MYOM2: variants seen among roughly 807,000 people sequenced by gnomAD.
The protein encoded by MYOM2 is myomesin 2, also known as myomesin-2.
A neutral mutation model predicts 187.6 loss-of-function variants in MYOM2; 254 were observed. The observed-to-expected ratio is 1.35, with a 90% CI of 1.22 to 1.50. MYOM2 has a LOEUF of 1.50. Ranked by LOEUF, MYOM2 falls within the 40% of genes most tolerant of loss-of-function variation. MYOM2 has a pLI of 0.00. For synonymous variants in MYOM2, 981 were observed against 753.8 expected (o/e 1.30, Z -4.94); for missense variants, 2,796 against 1,924.0 (o/e 1.45, Z -8.48).
chr8:2,068,826 G>T (rs930242475), intron 6 of MYOM2, among the ~76,000 whole-genome samples: 1 of 152,202 alleles, frequency 6.6e-6, no homozygotes, highest in African/African-American at 2.4e-5. Flanking sequence ...GCAGCATCCT[G>T]GCTCCTACAC....
At chr8:2,076,561 G>T (rs1819430072) in intron 11 of MYOM2, 3 of 418,150 alleles carry the variant, frequency 7.2e-6, no homozygotes, top group African/African-American at 6.1e-5. Flanking sequence ...ACGTCTTCAG[G>T]CTCACTCTGA....
chr8:2,052,848 A>T (rs1444237624), intron 3 of MYOM2, among the ~76,000 whole-genome samples: 1 of 152,224 alleles, frequency 6.6e-6, no homozygotes, highest in Non-Finnish European at 1.5e-5. Context: ...TCGTGTGGAA[A>T]CTAAAGAGTT....
rs370886250 is a variant in MYOM2, at chr8:2,076,206, C to T, written c.1186C>T (p.Arg396Trp). Residue 396 changes from arginine (R) to tryptophan (W), a missense_variant, in exon 11 of 37, where the codon CGG becomes TGG. By Grantham distance (101) the Arg-to-Trp change is moderately radical. Coordinates refer to ENST00000262113, the MANE Select transcript of MYOM2 (RefSeq NM_003970.4). ...PMDLQCHDAN[R>W]DYVIVTWKPP... ...GGACTTGCAGTGCCACGACGCCAAC[C>T]GGGACTACGTCATCGTGACCTGGAA... 4.4e-5 allele frequency: 71 copies of T among 1,613,422 alleles called. 1 individual carries two copies. The highest frequency in any genetic ancestry group is 5.6e-5 in the Non-Finnish European group (66 of 1,179,894).
intron 12 of MYOM2, among the ~76,000 whole-genome samples, chr8:2,079,260 C>G (rs1026389253): frequency 6.6e-6 from 1 of 152,026 alleles, no homozygotes; most frequent in Non-Finnish European, 1.5e-5. Flanking sequence ...AGAAGGCCAT[C>G]CTATTCTGAG....
At chr8:2,123,726 C>T in intron 30 of MYOM2, 84 bp downstream of exon 30, 3 of 1,126,500 alleles carry the variant, frequency 2.7e-6, no homozygotes, top group Non-Finnish European at 4.0e-6. Context: ...AGGTCTATGT[C>T]TAGCCTCAGC....
rs1004938625 is a variant in MYOM2, at chr8:2,069,139, C to T, written c.654-139C>T. 6 of 744,882 alleles carry T rather than the reference C, an allele frequency of 8.1e-6. No homozygotes were observed. The East Asian group carries it at 1.1e-4, about 14-fold the overall frequency. 46.1% of individuals were successfully genotyped at this position (744,882 alleles called of 1,614,324 possible). The stretch of plus-strand genomic sequence containing the variant: ...CTCACCTTTCCAAGGACAGAGCTGG[C>T]ATTGTTCTTGCACAAATCACTCATG... On this transcript the variant is annotated intron_variant, in intron 6 of 36. Transcript: ENST00000262113.
At chr8:2,116,965 G>A (rs570218640) in intron 27 of MYOM2, among the ~76,000 whole-genome samples, 39 of 152,088 alleles carry the variant, frequency 2.6e-4, no homozygotes, top group South Asian at 2.3e-3. Context: ...GGGTTTCACC[G>A]TGTTAACCAG....
At chr8:2,076,078 A>T in intron 10 of MYOM2, 63 bp from the exon 11 acceptor site, 2 of 1,506,172 alleles carry the variant, frequency 1.3e-6, no homozygotes, top group Non-Finnish European at 1.8e-6. Flanking sequence ...AGCTGTAAAC[A>T]GGCTTTGCAG....
Position 2,094,033 on chromosome 8 carries a change from T to C in MYOM2, c.2067T>C (p.Ala689=), listed in dbSNP as rs62478385. The part of the protein sequence containing the change: ...QYIFRVKAVN[A]VGMSENSQES... Reference sequence around the variant, plus strand: ...TCTTCCGAGTCAAGGCGGTCAATGCTGTGGGGATGAGTGAAAATTCCCAGG... The same window carrying C: ...TCTTCCGAGTCAAGGCGGTCAATGCCGTGGGGATGAGTGAAAATTCCCAGG... Residue 689 remains alanine (A), a synonymous_variant, in exon 17 of 37, where the codon GCT becomes GCC. Coordinates refer to ENST00000262113, the MANE Select transcript of MYOM2 (RefSeq NM_003970.4). 7.5e-3 allele frequency: 12,091 copies of C among 1,614,154 alleles called. 76 individuals carry two copies. Among genetic ancestry groups the C allele is most frequent in the East Asian group, 0.022 (1,007 of 44,882 alleles).
intron 11 of MYOM2, chr8:2,076,485 TG>T: frequency 1.5e-6 from 1 of 658,252 alleles, no homozygotes. Context: ...ATAACCACAC[TG>T]GGTTTCTTTT....
chr8:2,090,336 T>G (rs907657856), intron 15 of MYOM2, 145 bp downstream of exon 15: 7 of 676,690 alleles, frequency 1.0e-5, no homozygotes, highest in Non-Finnish European at 1.6e-5. Context: ...TTACGAGAGA[T>G]TAAGAGCTCT....
At position 2,073,311 on chromosome 8, in the gene MYOM2, C is replaced by T. The variant is rs147476883; in HGVS notation, c.959-28C>T. On this transcript the variant is annotated intron_variant, in intron 9 of 36. Transcript: ENST00000262113. ...TTGCCTGCTGGGGTGATTTTGGATG[C>T]AAACCTTCCGTGTTAACGCTCTTTC... 1.6e-5 allele frequency: 25 copies of T among 1,582,180 alleles called. No individual in the cohort carries two copies. In the East Asian group the frequency reaches 5.2e-4, roughly 33 times the overall value.
intron 36 of MYOM2, 114 bp downstream of exon 36, chr8:2,143,570 C>G: frequency 7.7e-7 from 1 of 1,303,348 alleles, no homozygotes; most frequent in Non-Finnish European, 1.1e-6. Context: ...TGTCCTCACT[C>G]AGCCTGCAGG....
At chr8:2,101,638 C>A (rs550153402) in intron 20 of MYOM2, among the ~76,000 whole-genome samples, 49 of 152,294 alleles carry the variant, frequency 3.2e-4, no homozygotes, top group Admixed American at 2.4e-3. Context: ...TGCGCAGACA[C>A]GCCTGTTTTC....
Position 2,072,328 on chromosome 8 carries a change from C to T in MYOM2, c.794-17C>T, listed in dbSNP as rs1405667368. On this transcript the variant is annotated splice_polypyrimidine_tract_variant and intron_variant, in intron 8 of 36. Coordinates refer to ENST00000262113, the MANE Select transcript of MYOM2 (RefSeq NM_003970.4). ...CTCTGCCCTTCGGCCCTGAAAGCCT[C>T]CATCGTTTCTGTGCAGTGCCCCTGT... 1.2e-6 allele frequency: 2 copies of T among 1,608,934 alleles called. No homozygotes were observed. The highest frequency in any genetic ancestry group is 1.7e-6 in the Non-Finnish European group (2 of 1,178,946).
chr8:2,079,063 G>C, intron 12 of MYOM2, 130 bp downstream of exon 12: 4 of 831,048 alleles, frequency 4.8e-6, no homozygotes, highest in Non-Finnish European at 7.6e-6. Context: ...GCATAGCACA[G>C]GCTGTTACAA....
At chr8:2,130,347 C>G (rs1797819653) in intron 32 of MYOM2, among the ~76,000 whole-genome samples, 1 of 119,830 alleles carries the variant, frequency 8.3e-6, no homozygotes, top group African/African-American at 4.3e-5. Context: ...GCGCCCACAC[C>G]CCGCCTTTAG....
intron 12 of MYOM2, 131 bp from the exon 13 acceptor site, chr8:2,079,429 G>C (rs933466490): frequency 1.2e-6 from 1 of 850,364 alleles, no homozygotes; most frequent in Non-Finnish European, 2.0e-6. Flanking sequence ...AATCAGCTCT[G>C]ATGCCCCCAG....
intron 15 of MYOM2, among the ~76,000 whole-genome samples, chr8:2,091,151 A>C (rs140276036): frequency 6.6e-5 from 10 of 151,482 alleles, no homozygotes; most frequent in Non-Finnish European, 1.2e-4. Flanking sequence ...AAAGTAATTC[A>C]AATTTTAAGT....
Sources: gnomAD v4.1 joint callset for allele counts (sites outside exome capture counted in the v4.1 genomes callset) on GRCh38, gnomAD v4.1.1 for gene constraint, MANE v1.5 for transcripts, NCBI Gene and HGNC (gene_info 2026-07-23, HGNC 2026-07-21) for gene names.